MALRD1: variants seen among roughly 807,000 people sequenced by gnomAD.
The protein encoded by MALRD1 is MAM and LDL receptor class A domain containing 1, also known as MAM and LDL-receptor class A domain-containing protein 1.
MALRD1 carries 247 observed loss-of-function variants against 242.1 expected under a neutral mutation model. The observed-to-expected ratio is 1.02, with a 90% CI of 0.92 to 1.13. MALRD1 has a LOEUF of 1.13. Ranked by LOEUF, MALRD1 falls within the 50% of genes most tolerant of loss-of-function variation. MALRD1 has a pLI of 0.00. For missense variants in MALRD1, 2,989 were observed against 2,533.1 expected (o/e 1.18, Z -3.86); for synonymous variants, 995 against 866.6 (o/e 1.15, Z -2.60).
intron 38 of MALRD1, among the ~76,000 whole-genome samples, chr10:19,708,886 C>T (rs895428179): frequency 8.2e-6 from 1 of 121,622 alleles, no homozygotes; most frequent in African/African-American, 2.6e-5. Flanking sequence ...GGTCTTGGAA[C>T]TCCTGACTTC....
chr10:19,415,997 C>G (rs958562747), intron 28 of MALRD1, among the ~76,000 whole-genome samples: 1 of 152,106 alleles, frequency 6.6e-6, no homozygotes, highest in African/African-American at 2.4e-5. Flanking sequence ...GGAAAGTTTT[C>G]GGATTTGTCT....
intron 32 of MALRD1, among the ~76,000 whole-genome samples, chr10:19,546,958 G>C (rs1835232908): frequency 6.6e-6 from 1 of 152,092 alleles, no homozygotes; most frequent in African/African-American, 2.4e-5. Context: ...CAGTAATTCA[G>C]CTTAGAAATT....
At chr10:19,688,239 G>A (rs1350312356) in intron 36 of MALRD1, among the ~76,000 whole-genome samples, 1 of 152,166 alleles carries the variant, frequency 6.6e-6, no homozygotes, top group Non-Finnish European at 1.5e-5. Flanking sequence ...CCAAAGTGCT[G>A]GGATTACAGG....
At chr10:19,390,942 A>G (rs1282627082) in intron 28 of MALRD1, among the ~76,000 whole-genome samples, 1 of 152,224 alleles carries the variant, frequency 6.6e-6, no homozygotes, top group Admixed American at 6.5e-5. Flanking sequence ...AAGTTCTCAT[A>G]AGAGGACTTC....
At position 19,607,922 on chromosome 10, in the gene MALRD1, A is replaced by G. The variant is rs1838716373; in HGVS notation, c.6070+20A>G. 1 of 1,548,556 alleles carries G rather than the reference A, an allele frequency of 6.5e-7. No individual in the cohort carries two copies. The highest frequency in any genetic ancestry group is 8.7e-7 in the Non-Finnish European group (1 of 1,145,984). ...GCTCCGGTACCCCATTTCCATTCAG[A>G]TATTCTTGTGATATGAACCAGCAAC... On this transcript the variant is annotated intron_variant, in intron 35 of 39. Transcript: ENST00000454679.
chr10:19,407,171 C>T (rs1376599971), intron 28 of MALRD1, among the ~76,000 whole-genome samples: 1 of 152,076 alleles, frequency 6.6e-6, no homozygotes, highest in Non-Finnish European at 1.5e-5. Context: ...ATACTACTGC[C>T]TCTATAAATA....
At chr10:19,619,971 C>T (rs148847660) in intron 36 of MALRD1, among the ~76,000 whole-genome samples, 5 of 151,404 alleles carry the variant, frequency 3.3e-5, no homozygotes, top group East Asian at 1.9e-4. Flanking sequence ...GAGTCGTGAT[C>T]GTGCCAGACT....
intron 19 of MALRD1, among the ~76,000 whole-genome samples, chr10:19,272,192 A>G (rs1288391638): frequency 6.6e-6 from 1 of 152,078 alleles, no homozygotes; most frequent in Non-Finnish European, 1.5e-5. Flanking sequence ...AAACATCTCG[A>G]ATATTAGAGA....
chr10:19,261,438 G>A lies in MALRD1; in HGVS notation c.3079+3667G>A, dbSNP rs1293641093. 1.4e-4 allele frequency among the ~76,000 whole-genome samples: 20 copies of A among 139,312 alleles called. No homozygotes were observed. The East Asian group carries it at 4.1e-3, about 28-fold the overall frequency. 91.4% of individuals were successfully genotyped at this position (139,312 alleles called of 152,430 possible). A position where few individuals can be genotyped will look rare whatever the true frequency, so the allele number is the denominator to read the frequency against. Reference sequence around the variant, plus strand: ...AAAATGAAACAAAAATAAAAATTGAGCTCTACGTAAAAAAAAAAAAAAATG... The same window carrying A: ...AAAATGAAACAAAAATAAAAATTGAACTCTACGTAAAAAAAAAAAAAAATG... On this transcript the variant is annotated intron_variant, in intron 19 of 39. Coordinates refer to ENST00000454679, the MANE Select transcript of MALRD1 (RefSeq NM_001142308.3).
At chr10:19,438,761 T>C (rs2130974610) in intron 28 of MALRD1, among the ~76,000 whole-genome samples, 1 of 152,322 alleles carries the variant, frequency 6.6e-6, no homozygotes, top group Admixed American at 6.5e-5. Context: ...TTGGGTTCTC[T>C]TGAGTGGTGA....
At chr10:19,137,607 GAAAA>G in intron 10 of MALRD1, among the ~76,000 whole-genome samples, 1 of 84,452 alleles carries the variant, frequency 1.2e-5, no homozygotes, top group East Asian at 3.4e-4. Context: ...GACTCCGTCT[GAAAA>G]AAAAAAAAAA....
intron 26 of MALRD1, among the ~76,000 whole-genome samples, chr10:19,364,587 A>G (rs976726628): frequency 6.6e-6 from 1 of 152,128 alleles, no homozygotes; most frequent in African/African-American, 2.4e-5. Context: ...GTGAGCTCCT[A>G]AAATATGTTC....
intron 30 of MALRD1, among the ~76,000 whole-genome samples, chr10:19,494,731 A>G (rs1229941548): frequency 5.3e-5 from 8 of 152,184 alleles, no homozygotes; most frequent in Non-Finnish European, 1.0e-4. Flanking sequence ...TAAAGAAAAA[A>G]GAATAAAAAG....
intron 28 of MALRD1, among the ~76,000 whole-genome samples, chr10:19,390,057 T>C (rs965749357): frequency 6.6e-6 from 1 of 152,108 alleles, no homozygotes; most frequent in Non-Finnish European, 1.5e-5. Context: ...TGAAATGATC[T>C]ATGGGGTTTG....
At chr10:19,565,258 C>T (rs367937666) in intron 32 of MALRD1, among the ~76,000 whole-genome samples, 15 of 151,366 alleles carry the variant, frequency 9.9e-5, no homozygotes, top group South Asian at 2.1e-4. Context: ...GAGAATGGAA[C>T]GAAAATGAAT....
At chr10:19,701,784 C>G (rs1490499209) in intron 38 of MALRD1, among the ~76,000 whole-genome samples, 1 of 145,532 alleles carries the variant, frequency 6.9e-6, no homozygotes, top group African/African-American at 2.5e-5. Flanking sequence ...TCTCCCTCCC[C>G]CTTTTCCTCC....
intron 36 of MALRD1, among the ~76,000 whole-genome samples, chr10:19,689,572 A>T (rs1214560871): frequency 6.6e-6 from 1 of 152,138 alleles, no homozygotes; most frequent in African/African-American, 2.4e-5. Flanking sequence ...TTTTAAAAGC[A>T]AAGAAAGATG....
chr10:19,120,888 C>T (rs1418632197), intron 5 of MALRD1, among the ~76,000 whole-genome samples: 1 of 152,060 alleles, frequency 6.6e-6, no homozygotes, highest in Non-Finnish European at 1.5e-5. Context: ...GGACTACAGG[C>T]ATGCAACACC....
intron 28 of MALRD1, among the ~76,000 whole-genome samples, chr10:19,396,611 A>G (rs1846591322): frequency 6.6e-6 from 1 of 152,226 alleles, no homozygotes; most frequent in Non-Finnish European, 1.5e-5. Flanking sequence ...TAGCTTCTAT[A>G]TTCATACTCT....
Sources: gnomAD v4.1 joint callset for allele counts (sites outside exome capture counted in the v4.1 genomes callset) on GRCh38, gnomAD v4.1.1 for gene constraint, MANE v1.5 for transcripts, NCBI Gene and HGNC (gene_info 2026-07-23, HGNC 2026-07-21) for gene names.